Variants in DTX2 observed in about 807,000 individuals in gnomAD.
DTX2 encodes the protein deltex E3 ubiquitin ligase 2.
In DTX2, 29 loss-of-function variants were observed where a neutral mutation model predicts 55.3. The ratio of observed to expected loss-of-function variants is 0.52; its 90% confidence interval spans 0.39 to 0.71. The LOEUF (loss-of-function observed/expected upper bound fraction) is 0.71, where lower values mean the gene tolerates loss of function less well. Ranked by LOEUF, DTX2 falls within the 30% of genes least tolerant of loss-of-function variation. The pLI is 0.00. For synonymous variants in DTX2, 276 were observed against 340.4 expected, an observed-to-expected ratio of 0.81 and a Z score of 2.08; for missense variants, 537 against 822.5, an observed-to-expected ratio of 0.65 and a Z score of 4.25.
chr7:76,498,987 G>T (rs113506813), intron 6 of DTX2, among the ~76,000 whole-genome samples: 1 of 53,326 alleles, frequency 1.9e-5, no homozygotes, highest in Non-Finnish European at 3.5e-5. Context: ...TGTGTGGAGG[G>T]GTGAGGTGTG....
At chr7:76,479,882 GCT>G (rs949399316) in intron 2 of DTX2, among the ~76,000 whole-genome samples, 100 of 150,928 alleles carry the variant, frequency 6.6e-4, no homozygotes, top group African/African-American at 2.2e-3. Flanking sequence ...CGGAATTTAT[GCT>G]CTCTTTCTTC....
rs1480229040 is a variant in DTX2, at chr7:76,475,267, C to T, written c.-89-5154C>T. ...CGGAGGTTGCAGTGAGCCGAGATCACGCCATTGCACTCCAGCCTGGGCAAC... is the reference window on the plus strand; with the variant it reads ...CGGAGGTTGCAGTGAGCCGAGATCATGCCATTGCACTCCAGCCTGGGCAAC... On this transcript the variant is annotated intron_variant, in intron 2 of 10. Transcript: ENST00000430490. Among the ~76,000 whole-genome samples, 6 of 151,876 alleles carry T rather than the reference C, an allele frequency of 4.0e-5. No individual in the cohort carries two copies. In the East Asian group the frequency reaches 9.7e-4, roughly 25 times the overall value.
chr7:76,488,099 A>G (rs1032756699), intron 4 of DTX2, among the ~76,000 whole-genome samples: 4 of 79,662 alleles, frequency 5.0e-5, no homozygotes, highest in African/African-American at 2.4e-4. Context: ...CCGGGGAGGA[A>G]CTGCGATTAT....
At position 76,505,579 on chromosome 7, in the gene DTX2, AG is replaced by A; in HGVS notation, c.1849del (p.Asp617ThrfsTer42). ...LAELAAQGVT[E>X]DCLEQQ ...GAGCTGGCTGCCCAGGGGGTGACCG[AG>A]GACTGCCTGGAGCAGCAGTGACCTC... On this transcript the variant is annotated frameshift_variant, in exon 11 of 11. Transcript: ENST00000430490. LOFTEE classifies it high-confidence loss of function. The surrounding 1 kb of genome is among the most constrained non-coding windows in gnomAD (Gnocchi z 4.4). 1 of 1,580,282 alleles carries A rather than the reference AG, an allele frequency of 6.3e-7. No homozygotes were observed. The highest frequency in any genetic ancestry group is 1.1e-5 in the South Asian group (1 of 87,214).
intron 4 of DTX2, among the ~76,000 whole-genome samples, chr7:76,489,887 TAAA>T (rs1180885938): frequency 2.3e-5 from 3 of 130,708 alleles, no homozygotes; most frequent in East Asian, 2.3e-4. Flanking sequence ...ACCCTCATAT[TAAA>T]AAAAAAAAAA....
At position 76,491,361 on chromosome 7, in the gene DTX2, C is replaced by T. The variant is rs1317565913; in HGVS notation, c.909-792C>T. On this transcript the variant is annotated intron_variant, in intron 4 of 10. Transcript: ENST00000430490. ...CCAGGCTGGAGTGCAGTGGCACGGT[C>T]TCAGCAACCTCCACCTCCTGGGTTC... 3.2e-4 allele frequency among the ~76,000 whole-genome samples: 43 copies of T among 136,424 alleles called. No individual in the cohort carries two copies. The South Asian group carries it at 4.5e-3, about 14-fold the overall frequency. 89.5% of individuals were successfully genotyped at this position (136,424 alleles called of 152,430 possible).
chr7:76,486,960 A>C (rs1178494925), intron 4 of DTX2, among the ~76,000 whole-genome samples: 1 of 137,132 alleles, frequency 7.3e-6, no homozygotes, highest in Non-Finnish European at 1.6e-5. Context: ...GATTGGAGTC[A>C]TGGGGCCCAG....
chr7:76,499,782 C>T, intron 6 of DTX2: 1 of 235,560 alleles, frequency 4.2e-6, no homozygotes, highest in South Asian at 4.1e-5. Flanking sequence ...TGCAGCCCTT[C>T]TCCCTCCAGC....
At chr7:76,488,895 GAAAA>G (rs1194872076) in intron 4 of DTX2, among the ~76,000 whole-genome samples, 1 of 51,750 alleles carries the variant, frequency 1.9e-5, no homozygotes, top group Non-Finnish European at 4.0e-5. Flanking sequence ...GAGACTCCGA[GAAAA>G]AAAAAAAAAG....
chr7:76,505,808 G>T lies in DTX2; in HGVS notation c.*207G>T. On this transcript the variant is annotated 3_prime_UTR_variant, in exon 11 of 11. Coordinates refer to ENST00000430490, the MANE Select transcript of DTX2 (RefSeq NM_001102594.3). This position sits in a 1 kb window ranked among gnomAD's most constrained non-coding sequence, Gnocchi z 4.4. ...GGCAGCCCTGGGCAGTTGTACTCATGGGGGCTTAGGATGCAGCTACCTCAG... is the reference window on the plus strand; with the variant it reads ...GGCAGCCCTGGGCAGTTGTACTCATTGGGGCTTAGGATGCAGCTACCTCAG... 1.6e-6 allele frequency: 1 copy of T among 627,562 alleles called. No individual in the cohort carries two copies. Among genetic ancestry groups the T allele is most frequent in the South Asian group, 1.9e-5 (1 of 51,546 alleles). The allele number at this position is 627,562 out of a possible 1,614,324, so 38.9% of individuals were successfully genotyped here. A position where few individuals can be genotyped will look rare whatever the true frequency, so the allele number is the denominator to read the frequency against.
At chr7:76,472,997 G>T (rs1054760584) in intron 2 of DTX2, among the ~76,000 whole-genome samples, 1 of 151,348 alleles carries the variant, frequency 6.6e-6, no homozygotes, top group Non-Finnish European at 1.5e-5. Flanking sequence ...TTTCTTTTCC[G>T]TTTTTTTTAA....
chr7:76,502,481 G>A lies in DTX2; in HGVS notation c.1389+25G>A, dbSNP rs766376964. On this transcript the variant is annotated intron_variant, in intron 8 of 10. Transcript: ENST00000430490. ...GGTGCCCCCACTGGCCCAGGGCGGA[G>A]GCGGGTGGCCCGCCCCCACAGTCCT... 2.5e-6 allele frequency: 4 copies of A among 1,606,650 alleles called. No homozygotes were observed. In the East Asian group the frequency reaches 6.7e-5, roughly 27 times the overall value.
At chr7:76,466,204 T>TG (rs1364036400) in intron 2 of DTX2, among the ~76,000 whole-genome samples, 4 of 127,878 alleles carry the variant, frequency 3.1e-5, no homozygotes, top group African/African-American at 1.2e-4. Context: ...GTTTGGCACT[T>TG]GGAGTACAAA....
intron 7 of DTX2, 95 bp from the exon 8 acceptor site, chr7:76,502,203 A>G (rs1316135570): frequency 2.3e-6 from 3 of 1,297,908 alleles, no homozygotes; most frequent in Non-Finnish European, 3.2e-6. Context: ...CTGCACTTCC[A>G]GCATTTCAGC....
At chr7:76,504,675 G>T (rs1584261135) in intron 10 of DTX2, among the ~76,000 whole-genome samples, 1 of 152,192 alleles carries the variant, frequency 6.6e-6, no homozygotes, top group Non-Finnish European at 1.5e-5. Context: ...TGCCGGGTGG[G>T]GTCAGGAGCT....
chr7:76,479,803 C>T (rs1808964210), intron 2 of DTX2, among the ~76,000 whole-genome samples: 1 of 150,428 alleles, frequency 6.6e-6, no homozygotes, highest in Non-Finnish European at 1.5e-5. Context: ...CATGATGAAA[C>T]ACACTAAGCA....
chr7:76,478,533 C>A (rs1273253642), intron 2 of DTX2, among the ~76,000 whole-genome samples: 1 of 149,152 alleles, frequency 6.7e-6, no homozygotes, highest in Non-Finnish European at 1.5e-5. Flanking sequence ...CTGCCTCAGC[C>A]TCTTGAGTAG....
intron 2 of DTX2, among the ~76,000 whole-genome samples, chr7:76,464,351 AG>A (rs1806928138): frequency 6.6e-6 from 1 of 150,406 alleles, no homozygotes; most frequent in Non-Finnish European, 1.5e-5. Context: ...AAGCAGGCAG[AG>A]GGCTCTGAGC....
At chr7:76,481,821 T>A (rs911141990) in intron 3 of DTX2, among the ~76,000 whole-genome samples, 7 of 137,308 alleles carry the variant, frequency 5.1e-5, no homozygotes, top group Admixed American at 2.2e-4. Context: ...TTAGTTTTAT[T>A]TTTAAAAGTA....
Sources: allele counts gnomAD v4.1 joint callset (sites outside exome capture counted in the v4.1 genomes callset), GRCh38; gene constraint gnomAD v4.1.1; non-coding constraint Gnocchi (gnomAD v3.1); transcripts MANE v1.5; gene names NCBI Gene and HGNC (gene_info 2026-07-23, HGNC 2026-07-21).